The following DTNA variants were observed in gnomAD, a reference collection of about 807,000 sequenced individuals.
The protein encoded by DTNA is dystrobrevin alpha, also known as dystrophin-related protein 3.
DTNA carries 43 observed loss-of-function variants against 100.7 expected under a neutral mutation model. The ratio of observed to expected loss-of-function variants is 0.43; its 90% CI spans 0.33 to 0.55. The LOEUF (loss-of-function observed/expected upper bound fraction) is 0.55. DTNA is among the 20% of genes least tolerant of loss of function. DTNA has a pLI of 0.04. For synonymous variants in DTNA, 349 were observed against 347.9 expected (o/e 1.00, Z -0.04); for missense variants, 798 against 953.9 (o/e 0.84, Z 2.15).
intron 1 of DTNA, among the ~76,000 whole-genome samples, chr18:34,622,761 C>T (rs561484572): frequency 3.3e-5 from 5 of 152,294 alleles, no homozygotes; most frequent in Admixed American, 1.3e-4. Flanking sequence ...CCTCTCCACC[C>T]GTCTTCTCAG....
intron 1 of DTNA, among the ~76,000 whole-genome samples, chr18:34,548,031 C>T (rs923110591): frequency 2.6e-5 from 4 of 152,080 alleles, no homozygotes; most frequent in Non-Finnish European, 4.4e-5. Flanking sequence ...TAAATGTTAA[C>T]GATTGAAGAC....
At chr18:34,793,770 G>A (rs531912908) in intron 3 of DTNA, among the ~76,000 whole-genome samples, 1 of 152,186 alleles carries the variant, frequency 6.6e-6, no homozygotes, top group South Asian at 2.1e-4. Flanking sequence ...TGTAACACAG[G>A]GATAATAGCT....
intron 1 of DTNA, among the ~76,000 whole-genome samples, chr18:34,584,126 G>T (rs2048896939): frequency 6.6e-6 from 1 of 152,182 alleles, no homozygotes; most frequent in African/African-American, 2.4e-5. Context: ...CACCTTCCTA[G>T]AGGGTCTGAC....
chr18:34,889,400 C>G lies in DTNA; in HGVS notation c.*1666C>G, dbSNP rs963606892. 1 of 985,054 alleles carries G rather than the reference C, an allele frequency of 1.0e-6. No individual in the cohort carries two copies. Among genetic ancestry groups the G allele is most frequent in the Non-Finnish European group, 1.2e-6 (1 of 829,794 alleles). 61.0% of individuals were successfully genotyped at this position (985,054 alleles called of 1,614,324 possible). ...CAACCCTCTAGGTGATTCTGATGCT[C>G]GCTAAAGGTTGAGAACTACTGCTTT... On this transcript the variant is annotated 3_prime_UTR_variant, in exon 23 of 23. Transcript: ENST00000444659.
At chr18:34,838,054 G>A (rs373900911) in intron 11 of DTNA, 40 bp from the exon 12 acceptor site, 17 of 1,591,268 alleles carry the variant, frequency 1.1e-5, no homozygotes, top group Admixed American at 5.0e-5. Flanking sequence ...ATGCATTGCC[G>A]TGTTTACGCT....
intron 1 of DTNA, among the ~76,000 whole-genome samples, chr18:34,753,357 A>ATTTAT (rs1568412298): frequency 0.011 from 23 of 2,014 alleles, no homozygotes; most frequent in South Asian, 0.062. Context: ...TTATTTATTT[A>ATTTAT]TTTATTTTAT....
chr18:34,842,719 T>A (rs2096292134), intron 13 of DTNA, among the ~76,000 whole-genome samples: 1 of 152,202 alleles, frequency 6.6e-6, no homozygotes, highest in South Asian at 2.1e-4. Context: ...TGAACTTGCT[T>A]GTCTAGCTTC....
chr18:34,541,588 T>C (rs551578079), intron 1 of DTNA, among the ~76,000 whole-genome samples: 1 of 152,192 alleles, frequency 6.6e-6, no homozygotes, highest in African/African-American at 2.4e-5. Context: ...TCCCCAGCCA[T>C]GTGTAACTGT....
chr18:34,589,401 G>A (rs1312434482), intron 1 of DTNA, among the ~76,000 whole-genome samples: 1 of 152,070 alleles, frequency 6.6e-6, no homozygotes, highest in Non-Finnish European at 1.5e-5. Context: ...GAGGTCAGGG[G>A]ATCGAGACCA....
At chr18:34,653,172 A>G (rs1483213920) in intron 1 of DTNA, among the ~76,000 whole-genome samples, 1 of 152,200 alleles carries the variant, frequency 6.6e-6, no homozygotes, top group African/African-American at 2.4e-5. Flanking sequence ...CGTACTATGC[A>G]TTTACTCATG....
In DTNA at chr18:34,644,732, C is replaced by T. The variant is rs530757575; in HGVS notation, c.-1-111244C>T. ...TTCATTTCAACCAGTCTTTTTCCTT[C>T]AGCCTAATATGGATATAAAATGTAA... On this transcript the variant is annotated intron_variant, in intron 1 of 19. Transcript: ENST00000283365. Among the ~76,000 whole-genome samples the T allele has an allele frequency of 4.6e-5, 7 of 152,206 alleles. No individual in the cohort carries two copies. The South Asian group carries it at 1.0e-3, about 23-fold the overall frequency.
chr18:34,574,635 A>T (rs924450971), intron 1 of DTNA: 1 of 151,952 alleles, frequency 6.6e-6, no homozygotes, highest in African/African-American at 2.4e-5. Flanking sequence ...TTTTATTGTT[A>T]TTATTATTAT....
intron 1 of DTNA, among the ~76,000 whole-genome samples, chr18:34,648,292 TAAGG>T (rs1021004147): frequency 1.3e-5 from 2 of 152,086 alleles, no homozygotes; most frequent in Admixed American, 6.6e-5. Flanking sequence ...ATGAAAAGTA[TAAGG>T]AAGGAAAGGG....
At chr18:34,544,700 G>A (rs1162420705) in intron 1 of DTNA, among the ~76,000 whole-genome samples, 1 of 151,682 alleles carries the variant, frequency 6.6e-6, no homozygotes, top group Non-Finnish European at 1.5e-5. Flanking sequence ...TAAAGTTTTA[G>A]GTATCTGTCT....
At chr18:34,857,364 G>T (rs941604212) in intron 15 of DTNA, among the ~76,000 whole-genome samples, 7 of 152,142 alleles carry the variant, frequency 4.6e-5, no homozygotes, top group Non-Finnish European at 7.3e-5. Context: ...CCTTCCATTC[G>T]CAGTGCTTTG....
intron 1 of DTNA, among the ~76,000 whole-genome samples, chr18:34,676,441 TA>T (rs201204594): frequency 0.012 from 1,789 of 152,340 alleles, 20 homozygotes; most frequent in South Asian, 0.022. Context: ...AAGAATACAG[TA>T]TTTTTATTTT....
intron 16 of DTNA, among the ~76,000 whole-genome samples, chr18:34,861,485 C>CAAAAAA (rs11329850): frequency 5.4e-4 from 42 of 77,970 alleles, no homozygotes; most frequent in East Asian, 2.3e-3. Flanking sequence ...GACTCCGTCT[C>CAAAAAA]AAAAAAAAAA....
chr18:34,876,963 T>C (rs1458858966), intron 18 of DTNA, among the ~76,000 whole-genome samples: 1 of 152,242 alleles, frequency 6.6e-6, no homozygotes, highest in Non-Finnish European at 1.5e-5. Flanking sequence ...ATTTATTATT[T>C]TATTTAGTTA....
intron 1 of DTNA, among the ~76,000 whole-genome samples, chr18:34,548,737 C>T (rs1459300567): frequency 6.6e-6 from 1 of 152,108 alleles, no homozygotes; most frequent in Non-Finnish European, 1.5e-5. Context: ...TAAGGACTTT[C>T]ACTGACCCCT....
Sources: allele counts gnomAD v4.1 joint callset (sites outside exome capture counted in the v4.1 genomes callset), GRCh38; gene constraint gnomAD v4.1.1; transcripts MANE v1.5; gene names NCBI Gene and HGNC (gene_info 2026-07-23, HGNC 2026-07-21).